The following SGCZ variants were observed in gnomAD, a reference collection of about 807,000 sequenced individuals.
SGCZ encodes the protein sarcoglycan zeta.
A neutral mutation model predicts 41.3 loss-of-function variants in SGCZ; 40 were observed. The observed-to-expected ratio is 0.97, with a 90% CI of 0.75 to 1.26. The LOEUF (loss-of-function observed/expected upper bound fraction) is 1.26. Ranked by LOEUF, SGCZ falls within the 50% of genes most tolerant of loss-of-function variation. The pLI is 0.00. For missense variants in SGCZ, 552 were observed against 369.8 expected, an observed-to-expected ratio of 1.49 and a Z score of -4.04; for synonymous variants, 206 against 137.5, an observed-to-expected ratio of 1.50 and a Z score of -3.49.
intron 1 of SGCZ, among the ~76,000 whole-genome samples, chr8:14,808,496 C>T (rs1228478570): frequency 7.9e-5 from 12 of 152,024 alleles, no homozygotes; most frequent in Admixed American, 3.9e-4. Flanking sequence ...TCATCACTGG[C>T]CATCAGAGAA....
At chr8:14,244,530 G>A (rs574096183) in intron 3 of SGCZ, among the ~76,000 whole-genome samples, 1 of 152,182 alleles carries the variant, frequency 6.6e-6, no homozygotes, top group Admixed American at 6.5e-5. Flanking sequence ...GTAGCATGAT[G>A]CCTCCAGCTT....
At chr8:14,972,388 G>A (rs1193628240) in intron 1 of SGCZ, among the ~76,000 whole-genome samples, 2 of 151,946 alleles carry the variant, frequency 1.3e-5, no homozygotes, top group Admixed American at 6.6e-5. Flanking sequence ...TGTTAACTTA[G>A]TTGTGCCTTC....
intron 1 of SGCZ, among the ~76,000 whole-genome samples, chr8:14,718,840 A>AAT (rs200432739): frequency 6.0e-4 from 87 of 145,948 alleles, no homozygotes; most frequent in African/African-American, 1.8e-3. Flanking sequence ...TTTGTTTAAG[A>AAT]ATATATATAT....
intron 7 of SGCZ, among the ~76,000 whole-genome samples, chr8:14,099,275 T>C (rs1281247540): frequency 6.6e-6 from 1 of 152,212 alleles, no homozygotes; most frequent in East Asian, 1.9e-4. Flanking sequence ...CTCTTCAATA[T>C]TGTCTTATAA....
chr8:14,598,037 A>C (rs1805468162), intron 1 of SGCZ, among the ~76,000 whole-genome samples: 1 of 152,198 alleles, frequency 6.6e-6, no homozygotes, highest in African/African-American at 2.4e-5. Flanking sequence ...AAATTATTGG[A>C]GTTAGAGCAA....
At chr8:14,500,956 T>TTA (rs1554528038) in intron 2 of SGCZ, among the ~76,000 whole-genome samples, 1 of 150,326 alleles carries the variant, frequency 6.7e-6, no homozygotes, top group Non-Finnish European at 1.5e-5. Flanking sequence ...ATTGCTGGTG[T>TTA]AAAAAAAAAA....
At chr8:14,295,045 C>A (rs1378556409) in intron 3 of SGCZ, among the ~76,000 whole-genome samples, 1 of 152,074 alleles carries the variant, frequency 6.6e-6, no homozygotes, top group East Asian at 1.9e-4. Flanking sequence ...TTAACCACCT[C>A]CTATGTGACC....
At chr8:14,708,881 A>T (rs1264730175) in intron 1 of SGCZ, among the ~76,000 whole-genome samples, 1 of 151,232 alleles carries the variant, frequency 6.6e-6, no homozygotes, top group African/African-American at 2.4e-5. Flanking sequence ...CACATGTAAC[A>T]TTCAAATTCT....
chr8:14,639,266 A>G (rs995464756), intron 1 of SGCZ, among the ~76,000 whole-genome samples: 2 of 151,566 alleles, frequency 1.3e-5, no homozygotes, highest in South Asian at 2.1e-4. Flanking sequence ...TTACCTTACC[A>G]CTAATATATT....
In SGCZ at chr8:14,721,433, A is replaced by G. The variant is rs148626325; in HGVS notation, c.40-166507T>C. On this transcript the variant is annotated intron_variant, in intron 1 of 7. Coordinates refer to ENST00000382080, the MANE Select transcript of SGCZ (RefSeq NM_139167.4). ...AAACCTGATCCTTCTGTCATCTTCT[A>G]CCATGCCAGTAAAGGCAACTTTGTC... Among the ~76,000 whole-genome samples, 423 of 152,308 alleles carry G rather than the reference A, an allele frequency of 2.8e-3. 2 individuals are homozygous for G. The highest frequency in any genetic ancestry group is 9.6e-3 in the African/African-American group (398 of 41,582).
intron 3 of SGCZ, 94 bp from the exon 4 acceptor site, chr8:14,237,773 T>C: frequency 1.7e-6 from 2 of 1,169,782 alleles, no homozygotes; most frequent in Non-Finnish European, 2.5e-6. Flanking sequence ...TTCTGAAAAA[T>C]TTAATTTGTT....
chr8:15,087,792 C>G (rs1253353423), intron 1 of SGCZ, among the ~76,000 whole-genome samples: 3 of 152,056 alleles, frequency 2.0e-5, no homozygotes, highest in Admixed American at 2.0e-4. Flanking sequence ...CTTAAGTTTA[C>G]TCATAGTATG....
At chr8:14,336,569 A>G (rs1389417705) in intron 2 of SGCZ, among the ~76,000 whole-genome samples, 1 of 152,148 alleles carries the variant, frequency 6.6e-6, no homozygotes, top group East Asian at 1.9e-4. Flanking sequence ...GTGTATAAGC[A>G]TTCTCTTTTC....
At chr8:15,186,653 T>A (rs1167402849) in intron 1 of SGCZ, among the ~76,000 whole-genome samples, 1 of 152,202 alleles carries the variant, frequency 6.6e-6, no homozygotes, top group Non-Finnish European at 1.5e-5. Flanking sequence ...ATTCTGTACT[T>A]CACAAAGTTG....
intron 1 of SGCZ, among the ~76,000 whole-genome samples, chr8:14,760,769 C>T (rs1323070864): frequency 6.6e-6 from 1 of 152,152 alleles, no homozygotes; most frequent in Non-Finnish European, 1.5e-5. Flanking sequence ...CAGAAATTAT[C>T]TCTAATGTTG....
At chr8:15,027,411 A>G (rs34866426) in intron 1 of SGCZ, among the ~76,000 whole-genome samples, 5,316 of 152,024 alleles carry the variant, frequency 0.035, 299 homozygotes, top group East Asian at 0.26. Context: ...AAAAAAAGAA[A>G]TAATTTGTGA....
intron 1 of SGCZ, among the ~76,000 whole-genome samples, chr8:15,207,189 C>G (rs1212214264): frequency 6.6e-6 from 1 of 152,030 alleles, no homozygotes; most frequent in Non-Finnish European, 1.5e-5. Context: ...TGTTTTTTTC[C>G]AGACACACCA....
In SGCZ at chr8:15,097,820, GTGTA is replaced by G. The variant is rs1563123865; in HGVS notation, c.39+139761_39+139764del. Among the ~76,000 whole-genome samples the G allele has an allele frequency of 8.9e-3, 549 of 61,968 alleles. 31 individuals are homozygous for G. Among genetic ancestry groups the G allele is most frequent in the African/African-American group, 0.028 (513 of 18,352 alleles). The allele number at this position is 61,968 out of a possible 152,430, so 40.7% of individuals were successfully genotyped here. A position where few individuals can be genotyped will look rare whatever the true frequency, so the allele number is the denominator to read the frequency against. On this transcript the variant is annotated intron_variant, in intron 1 of 7. Transcript: ENST00000382080. ...TACGTGTATATATATATATACGTGT[GTGTA>G]TATATATATACGTGTGTGTATATAT...
chr8:15,094,186 G>A (rs180768137), intron 1 of SGCZ, among the ~76,000 whole-genome samples: 1,624 of 151,716 alleles, frequency 0.011, 24 homozygotes, highest in African/African-American at 0.034. Flanking sequence ...CCAGGATGGC[G>A]TGGAGTGGTG....
Sources: gnomAD v4.1 joint callset for allele counts (sites outside exome capture counted in the v4.1 genomes callset) on GRCh38, gnomAD v4.1.1 for gene constraint, MANE v1.5 for transcripts, NCBI Gene and HGNC (gene_info 2026-07-23, HGNC 2026-07-21) for gene names.